The following GBP3 variants were observed in gnomAD, a reference collection of about 807,000 sequenced individuals.
GBP3 encodes guanylate binding protein 3.
GBP3 carries 55 observed loss-of-function variants against 62.4 expected under a neutral mutation model. That is an observed-to-expected ratio of 0.88 (90% CI 0.71 to 1.10). GBP3 has a LOEUF of 1.10. GBP3 is among the 50% of genes least tolerant of loss of function. GBP3 has a pLI of 0.00. For synonymous variants in GBP3, 208 were observed against 259.2 expected (o/e 0.80, Z 1.90); for missense variants, 605 against 690.6 (o/e 0.88, Z 1.39).
In GBP3 at chr1:89,009,599, C is replaced by T. The variant is rs80079146; in HGVS notation, c.1363-105G>A. On this transcript the variant is annotated intron_variant, in intron 8 of 10. Coordinates refer to ENST00000370481, the MANE Select transcript of GBP3 (RefSeq NM_018284.3). ...TCTTCTGAGAATTCTTCCTCTTGGC[C>T]CTGGTGTGCCTGGTGGTCAAGATTC... The T allele has an allele frequency of 4.0e-3, 5,959 of 1,485,720 alleles. 170 individuals carry two copies. The African/African-American group carries it at 0.071, about 18-fold the overall frequency. The allele number at this position is 1,485,720 out of a possible 1,614,324, so 92.0% of individuals were successfully genotyped here. A position where few individuals can be genotyped will look rare whatever the true frequency, so the allele number is the denominator to read the frequency against.
At chr1:89,020,367 T>C (rs1679114458) in intron 2 of GBP3, 165 bp downstream of exon 2, 2 of 752,468 alleles carry the variant, frequency 2.7e-6, no homozygotes, top group African/African-American at 3.5e-5. Flanking sequence ...AGAACAGCTG[T>C]GAGCTGATGC....
intron 1 of GBP3, among the ~76,000 whole-genome samples, chr1:89,021,544 A>ACACACACACACCC (rs761151308): frequency 1.1e-4 from 15 of 141,046 alleles, no homozygotes; most frequent in East Asian, 6.4e-4. Context: ...ACACACACAC[A>ACACACACACACCC]CCCCAAAAAA....
rs759747260 is a variant in GBP3 at position 89,014,601 on chromosome 1, G to A, written c.374C>T (p.Thr125Ile). 6.2e-7 allele frequency: 1 copy of A among 1,614,004 alleles called. No homozygotes were observed. The highest frequency in any genetic ancestry group is 1.3e-5 in the African/African-American group (1 of 74,904). The change falls in exon 4 of 11, where the codon ACT (threonine) becomes ATT (isoleucine). Residue 125 changes from threonine (T) to isoleucine (I), a missense_variant. Around this residue, in one of 3 missense-constraint regions of GBP3, gnomAD observed 308 missense variants for 318.0 expected, o/e 0.97. Coordinates refer to ENST00000370481, the MANE Select transcript of GBP3 (RefSeq NM_018284.3). The stretch of plus-strand genomic sequence containing the variant: ...GGTTCCCATGCTATTGTACACGAGA[G>A]TGCTGCTCAGGAGGACGGCCAGGGT... ...IFTLAVLLSS[T>I]LVYNSMGTIN...
chr1:89,018,732 A>C lies in GBP3; in HGVS notation c.190+1800T>G, dbSNP rs550170192. Among the ~76,000 whole-genome samples, 6 of 152,292 alleles carry C rather than the reference A, an allele frequency of 3.9e-5. No individual in the cohort carries two copies. The East Asian group carries it at 1.2e-3, about 29-fold the overall frequency. On this transcript the variant is annotated intron_variant, in intron 2 of 10. Coordinates refer to ENST00000370481, the MANE Select transcript of GBP3 (RefSeq NM_018284.3). ...CATGTGACCATCTCACCTCATAATC[A>C]AACGACCCTAAATCCCTCACTAACC...
At chr1:89,010,044 G>T (rs1346894100) in intron 8 of GBP3, among the ~76,000 whole-genome samples, 1 of 152,054 alleles carries the variant, frequency 6.6e-6, no homozygotes, top group Admixed American at 6.5e-5. Flanking sequence ...TAATGATCAT[G>T]ACAACAACGT....
chr1:89,014,647 G>C lies in GBP3; in HGVS notation c.328C>G (p.Gln110Glu). 6 of 1,614,062 alleles carry C rather than the reference G, an allele frequency of 3.7e-6. No homozygotes were observed. The highest frequency in any genetic ancestry group is 5.1e-6 in the Non-Finnish European group (6 of 1,179,960). Reference protein sequence around the residue: ...GLGDVKKGDNQNDSWIFTLAV... With the variant: ...GLGDVKKGDNENDSWIFTLAV... ...AGGGTGAAGATCCAGGAGTCATTCT[G>C]GTTGTCACCCTGGAAGTCAAGACAC... is the stretch of plus-strand genomic sequence containing the variant. Residue 110 changes from glutamine (Q) to glutamate (E), a missense_variant, in exon 4 of 11, where the codon CAG becomes GAG. Coordinates refer to ENST00000370481, the MANE Select transcript of GBP3 (RefSeq NM_018284.3).
chr1:89,018,230 C>T (rs960859142), intron 2 of GBP3, among the ~76,000 whole-genome samples: 15 of 152,218 alleles, frequency 9.9e-5, no homozygotes, highest in South Asian at 4.1e-4. Context: ...AATGAGCCAA[C>T]GGGACGTGAT....
At position 89,013,418 on chromosome 1, in the gene GBP3, T is replaced by G; in HGVS notation, c.635A>C (p.Gln212Pro). The G allele has an allele frequency of 6.2e-7, 1 of 1,610,516 alleles. No individual in the cohort carries two copies. Among genetic ancestry groups the G allele is most frequent in the Non-Finnish European group, 8.5e-7 (1 of 1,178,768 alleles). Residue 212 changes from glutamine to proline, a missense_variant, in exon 6 of 11, where the codon CAA becomes CCA. Gln to Pro is a moderately conservative substitution (Grantham distance 76). Around this residue, in one of 3 missense-constraint regions of GBP3, gnomAD observed 308 missense variants for 318.0 expected, o/e 0.97. Coordinates refer to ENST00000370481, the MANE Select transcript of GBP3 (RefSeq NM_018284.3). ...YSLKLTQGTSQKDKNFNLPRL... is the reference protein window; with the variant it reads ...YSLKLTQGTSPKDKNFNLPRL... ...GGGCAGATTAAAATTTTTATCTTTTTGACTGGTACCTAGAGAAACATAATA... is the reference window on the plus strand; with the variant it reads ...GGGCAGATTAAAATTTTTATCTTTTGGACTGGTACCTAGAGAAACATAATA...
chr1:89,010,681 G>A (rs1678505802), intron 8 of GBP3, among the ~76,000 whole-genome samples: 1 of 138,884 alleles, frequency 7.2e-6, no homozygotes, highest in African/African-American at 2.5e-5. Context: ...AAAGTGTTAG[G>A]ATTACAGGCT....
chr1:89,016,864 T>A (rs1678916201), intron 2 of GBP3, among the ~76,000 whole-genome samples: 2 of 152,318 alleles, frequency 1.3e-5, no homozygotes, highest in Non-Finnish European at 2.9e-5. Flanking sequence ...TGTGAACCAC[T>A]GTGCTTGGCC....
At chr1:89,022,210 A>C (rs909379039) in intron 1 of GBP3, among the ~76,000 whole-genome samples, 13 of 152,106 alleles carry the variant, frequency 8.5e-5, no homozygotes, top group African/African-American at 3.1e-4. Context: ...CTTTGTCTAT[A>C]ACCGTGTCAG....
At position 89,012,057 on chromosome 1, in the gene GBP3, C is replaced by T. The variant is rs373647773; in HGVS notation, c.869-30G>A. ...ATACAAAGAAGAAATGATAATGTTT[C>T]TTGTACTAAAGAAAACTCTCTATTC... On this transcript the variant is annotated intron_variant, in intron 6 of 10. Coordinates refer to ENST00000370481, the MANE Select transcript of GBP3 (RefSeq NM_018284.3). 1.6e-5 allele frequency: 23 copies of T among 1,436,434 alleles called. 3 individuals carry two copies. In the African/African-American group the frequency reaches 1.8e-4, roughly 11 times the overall value. 89.0% of individuals were successfully genotyped at this position (1,436,434 alleles called of 1,614,324 possible).
At chr1:89,019,960 T>G (rs1475916146) in intron 2 of GBP3, among the ~76,000 whole-genome samples, 1 of 152,200 alleles carries the variant, frequency 6.6e-6, no homozygotes, top group Non-Finnish European at 1.5e-5. Flanking sequence ...CTGAAACATT[T>G]TTTCAACCTT....
At chr1:89,012,131 A>C in intron 6 of GBP3, 104 bp from the exon 7 acceptor site, 1 of 1,136,144 alleles carries the variant, frequency 8.8e-7, no homozygotes, top group Non-Finnish European at 1.3e-6. Context: ...TCACAGCATC[A>C]AGGTCCTCAG....
chr1:89,021,510 G>GCACGCACACACACA (rs1553178199), intron 1 of GBP3, among the ~76,000 whole-genome samples: 17 of 131,738 alleles, frequency 1.3e-4, no homozygotes, highest in African/African-American at 4.8e-4. Flanking sequence ...GCGCGCGCGC[G>GCACGCACACACACA]CACACACACA....
At chr1:89,009,208 CT>C (rs1678411820) in intron 9 of GBP3, 68 bp from the exon 10 acceptor site, 1 of 1,509,264 alleles carries the variant, frequency 6.6e-7, no homozygotes. Context: ...TACACTTACC[CT>C]CCATTGTTGC....
chr1:89,020,197 C>T (rs1280443517), intron 2 of GBP3: 3 of 415,918 alleles, frequency 7.2e-6, no homozygotes, highest in African/African-American at 2.0e-5. Context: ...TGAGATCTTG[C>T]CACTGTACTC....
At chr1:89,010,129 T>G (rs896201120) in intron 8 of GBP3, among the ~76,000 whole-genome samples, 1 of 145,854 alleles carries the variant, frequency 6.9e-6, no homozygotes, top group Non-Finnish European at 1.5e-5. Flanking sequence ...AACTAATTTT[T>G]TTTTTTTTTT....
rs184091795 is a variant in GBP3 at position 89,013,610 on chromosome 1, C to T, written c.626-183G>A. ...TGGGCATAGCATTCTTCCCAAAAAACCTCACTTAGAAAGACAGCTGGCAGG... is the reference window on the plus strand; with the variant it reads ...TGGGCATAGCATTCTTCCCAAAAAATCTCACTTAGAAAGACAGCTGGCAGG... On this transcript the variant is annotated intron_variant, in intron 5 of 10. Coordinates refer to ENST00000370481, the MANE Select transcript of GBP3 (RefSeq NM_018284.3). 7.1e-4 allele frequency: 456 copies of T among 646,628 alleles called. 2 individuals are homozygous for T. Among genetic ancestry groups the T allele is most frequent in the Non-Finnish European group, 2.1e-4 (83 of 395,500 alleles). 40.1% of individuals were successfully genotyped at this position (646,628 alleles called of 1,614,324 possible). A position where few individuals can be genotyped will look rare whatever the true frequency, so the allele number is the denominator to read the frequency against.
Sources: allele counts gnomAD v4.1 joint callset (sites outside exome capture counted in the v4.1 genomes callset), GRCh38; gene constraint gnomAD v4.1.1; regional missense constraint gnomAD v4.1.1; transcripts MANE v1.5; gene names NCBI Gene and HGNC (gene_info 2026-07-23, HGNC 2026-07-21).